FGD4: variants seen among roughly 807,000 people sequenced by gnomAD.
The protein encoded by FGD4 is FYVE, RhoGEF and PH domain-containing protein 4.
Under a neutral mutation model 102.0 loss-of-function variants are expected in FGD4, and 42 were observed. The observed-to-expected ratio is 0.41, with a 90% confidence interval of 0.32 to 0.53. The LOEUF (loss-of-function observed/expected upper bound fraction) is 0.53, where lower values mean the gene tolerates loss of function less well. FGD4 is among the 20% of genes least tolerant of loss of function. FGD4 has a pLI of 0.21. For synonymous variants in FGD4, 380 were observed against 375.7 expected, an observed-to-expected ratio of 1.01 and a Z score of -0.13; for missense variants, 902 against 1,078.2, an observed-to-expected ratio of 0.84 and a Z score of 2.29.
chr12:32,596,339 G>A (rs1413471659), intron 4 of FGD4, among the ~76,000 whole-genome samples: 1 of 152,210 alleles, frequency 6.6e-6, no homozygotes, highest in Non-Finnish European at 1.5e-5. Context: ...GCATATGCCA[G>A]GCAGAGAGGA....
At chr12:32,621,275 G>A (rs976241940) in intron 11 of FGD4, among the ~76,000 whole-genome samples, 3 of 151,992 alleles carry the variant, frequency 2.0e-5, no homozygotes, top group Admixed American at 6.6e-5. Flanking sequence ...GCAACAGAGC[G>A]AGACTCTGTC....
At chr12:32,581,702 TAAAC>T (rs756304884) in intron 3 of FGD4, among the ~76,000 whole-genome samples, 3 of 152,080 alleles carry the variant, frequency 2.0e-5, no homozygotes, top group Non-Finnish European at 4.4e-5. Context: ...ATAAATAAAA[TAAAC>T]AGCCCAAGGA....
At chr12:32,448,260 T>C (rs1942677664) in intron 1 of FGD4, among the ~76,000 whole-genome samples, 1 of 152,042 alleles carries the variant, frequency 6.6e-6, no homozygotes, top group Non-Finnish European at 1.5e-5. Flanking sequence ...GTTAGAGGTA[T>C]TAGGATGGAT....
chr12:32,573,567 T>C lies in FGD4; in HGVS notation c.320-2699T>C, dbSNP rs369654383. On this transcript the variant is annotated intron_variant, in intron 2 of 16. Transcript: ENST00000534526. ...AGTATCTGTTACTTTTATTACATTA[T>C]AAATGATGAACAAGTGATAGAATTT... is the stretch of plus-strand genomic sequence containing the variant. Among the ~76,000 whole-genome samples, 11 of 152,382 alleles carry C rather than the reference T, an allele frequency of 7.2e-5. 1 individual carries two copies. The highest frequency in any genetic ancestry group is 1.3e-4 in the Admixed American group (2 of 15,308).
At chr12:32,608,175 C>T in intron 8 of FGD4, 80 bp downstream of exon 8, 1 of 1,530,190 alleles carries the variant, frequency 6.5e-7, no homozygotes, top group Non-Finnish European at 9.0e-7. Flanking sequence ...AAGAGAAATA[C>T]ATCTCACAGC....
intron 11 of FGD4, among the ~76,000 whole-genome samples, chr12:32,620,473 T>G (rs1265224632): frequency 6.6e-6 from 1 of 151,800 alleles, no homozygotes; most frequent in Non-Finnish European, 1.5e-5. Flanking sequence ...GAGAAAGGTT[T>G]GGAGTTCTGG....
chr12:32,468,322 G>A (rs1943325009), intron 1 of FGD4, among the ~76,000 whole-genome samples: 2 of 151,654 alleles, frequency 1.3e-5, no homozygotes, highest in African/African-American at 2.4e-5. Flanking sequence ...TTGCAAAAGA[G>A]TTGGTGTTTT....
At chr12:32,518,279 G>T (rs1940109121) in intron 1 of FGD4, among the ~76,000 whole-genome samples, 1 of 152,150 alleles carries the variant, frequency 6.6e-6, no homozygotes, top group Non-Finnish European at 1.5e-5. Context: ...TGGAGTTCAA[G>T]ACCAGCCTGA....
At chr12:32,470,718 T>C (rs760465830) in intron 1 of FGD4, among the ~76,000 whole-genome samples, 1 of 152,148 alleles carries the variant, frequency 6.6e-6, no homozygotes, top group Non-Finnish European at 1.5e-5. Context: ...CCTCCCAAAG[T>C]GCTGGGATTA....
chr12:32,555,509 G>A (rs889494021), intron 1 of FGD4, among the ~76,000 whole-genome samples: 2 of 151,762 alleles, frequency 1.3e-5, no homozygotes, highest in Non-Finnish European at 2.9e-5. Flanking sequence ...GTGCAAGTGG[G>A]AGACGAGAAC....
At chr12:32,570,187 G>A (rs527660634) in intron 2 of FGD4, among the ~76,000 whole-genome samples, 3 of 145,914 alleles carry the variant, frequency 2.1e-5, no homozygotes, top group African/African-American at 7.6e-5. Context: ...GTTGCAGTGA[G>A]CTGAGATCGC....
chr12:32,595,737 G>A (rs1187416979), intron 4 of FGD4, among the ~76,000 whole-genome samples: 1 of 152,176 alleles, frequency 6.6e-6, no homozygotes, highest in Non-Finnish European at 1.5e-5. Context: ...AACAATGCCA[G>A]TACTTTATCC....
chr12:32,600,798 T>C (rs1317934436), intron 5 of FGD4, among the ~76,000 whole-genome samples: 1 of 152,124 alleles, frequency 6.6e-6, no homozygotes, highest in Admixed American at 6.5e-5. Context: ...ATGTTCCCCT[T>C]TCCCAAGGAG....
chr12:32,624,588 A>C, intron 12 of FGD4, 136 bp downstream of exon 12: 12 of 754,054 alleles, frequency 1.6e-5, no homozygotes, highest in East Asian at 2.7e-5. Flanking sequence ...CTTGCATCTC[A>C]GCCTCTTGAG....
At chr12:32,458,690 A>T (rs1003028524) in intron 1 of FGD4, among the ~76,000 whole-genome samples, 29 of 152,154 alleles carry the variant, frequency 1.9e-4, no homozygotes, top group African/African-American at 7.0e-4. Flanking sequence ...CTCTTTTACT[A>T]ATTAGGCCCA....
At chr12:32,494,418 A>T (rs1341950889) in intron 1 of FGD4, among the ~76,000 whole-genome samples, 1 of 152,208 alleles carries the variant, frequency 6.6e-6, no homozygotes, top group African/African-American at 2.4e-5. Context: ...CCGTATAATC[A>T]GTAAAATATT....
chr12:32,605,224 C>T (rs1713960269), intron 7 of FGD4, among the ~76,000 whole-genome samples: 1 of 152,092 alleles, frequency 6.6e-6, no homozygotes, highest in South Asian at 2.1e-4. Flanking sequence ...CAGGCAGGAG[C>T]CACTGCACCC....
At chr12:32,408,107 C>T (rs2136389397) in intron 1 of FGD4, among the ~76,000 whole-genome samples, 1 of 151,776 alleles carries the variant, frequency 6.6e-6, no homozygotes, top group East Asian at 1.9e-4. Context: ...TCAAACGATT[C>T]CCCTGCCTCA....
At chr12:32,637,048 CTTTT>C (rs920177828) in intron 15 of FGD4, among the ~76,000 whole-genome samples, 2 of 86,408 alleles carry the variant, frequency 2.3e-5, no homozygotes, top group African/African-American at 4.4e-5. Flanking sequence ...TTTTTTTCTT[CTTTT>C]TTTTTTTTTT....
Sources: allele counts gnomAD v4.1 joint callset (sites outside exome capture counted in the v4.1 genomes callset), GRCh38; gene constraint gnomAD v4.1.1; transcripts MANE v1.5; gene names NCBI Gene and HGNC (gene_info 2026-07-23, HGNC 2026-07-21).